SLC4A5: variants seen among roughly 807,000 people sequenced by gnomAD.
SLC4A5 encodes electrogenic sodium bicarbonate cotransporter 4.
SLC4A5 carries 96 observed loss-of-function variants against 120.4 expected under a neutral mutation model. The ratio of observed to expected loss-of-function variants is 0.80; its 90% CI spans 0.68 to 0.94. The LOEUF (loss-of-function observed/expected upper bound fraction) is 0.94. SLC4A5 is among the 40% of genes least tolerant of loss of function. The probability of loss-of-function intolerance (pLI) is 0.00; values close to 1 mark genes in which losing one functional copy is unlikely to be tolerated. For synonymous variants in SLC4A5, 550 were observed against 571.1 expected, an observed-to-expected ratio of 0.96 and a Z score of 0.53; for missense variants, 1,259 against 1,459.5, an observed-to-expected ratio of 0.86 and a Z score of 2.24.
At chr2:74,270,219 T>C (rs1428674494) in intron 8 of SLC4A5, among the ~76,000 whole-genome samples, 2 of 152,222 alleles carry the variant, frequency 1.3e-5, no homozygotes, top group East Asian at 3.8e-4. Flanking sequence ...ACCATTAAGC[T>C]TGCTACCTGG....
intron 19 of SLC4A5, among the ~76,000 whole-genome samples, chr2:74,243,430 A>T (rs1363961887): frequency 2.6e-5 from 4 of 152,202 alleles, no homozygotes; most frequent in African/African-American, 9.7e-5. Flanking sequence ...ATCTTGACCC[A>T]GGGCAGAATA....
chr2:74,269,528 C>T (rs1354358597), intron 8 of SLC4A5, among the ~76,000 whole-genome samples: 1 of 152,130 alleles, frequency 6.6e-6, no homozygotes, highest in Non-Finnish European at 1.5e-5. Flanking sequence ...CCACCGCGCC[C>T]GGCCAGTCCA....
At chr2:74,224,812 C>G in intron 28 of SLC4A5, 28 bp downstream of exon 28, 1 of 1,595,484 alleles carries the variant, frequency 6.3e-7, no homozygotes, top group Non-Finnish European at 8.5e-7. Flanking sequence ...AATTTCTCCT[C>G]TGTGCCCCGG....
intron 7 of SLC4A5, among the ~76,000 whole-genome samples, chr2:74,298,298 A>C (rs1672387842): frequency 6.6e-6 from 1 of 152,244 alleles, no homozygotes; most frequent in African/African-American, 2.4e-5. Context: ...ATCTGACAAG[A>C]GTGGTAAGAA....
chr2:74,323,791 T>C (rs574444611), intron 5 of SLC4A5, among the ~76,000 whole-genome samples: 7 of 152,318 alleles, frequency 4.6e-5, no homozygotes, highest in South Asian at 2.1e-4. Flanking sequence ...ATATTCTACA[T>C]TGGGAGGATA....
At chr2:74,319,714 G>A (rs1479287867) in intron 5 of SLC4A5, among the ~76,000 whole-genome samples, 6 of 151,800 alleles carry the variant, frequency 4.0e-5, no homozygotes, top group African/African-American at 7.3e-5. Flanking sequence ...ATCCTACTGC[G>A]TCTTGACTTC....
intron 5 of SLC4A5, among the ~76,000 whole-genome samples, chr2:74,322,481 C>T (rs1263074401): frequency 6.6e-6 from 1 of 152,142 alleles, no homozygotes; most frequent in Non-Finnish European, 1.5e-5. Context: ...GAATGATACA[C>T]ACCAACTTCA....
chr2:74,219,176 G>GGTGTGT lies in SLC4A5; in HGVS notation c.*34-390_*34-385dup, dbSNP rs58141033. On this transcript the variant is annotated intron_variant, in intron 30 of 30. Transcript: ENST00000394019. Reference sequence around the variant, plus strand: ...ATTGCAGTGTTCTTTGCTCTTTGGAGGTGTGTGTGTGTGTGTGTGTGTGTG... The same window carrying GGTGTGT: ...ATTGCAGTGTTCTTTGCTCTTTGGAGGTGTGTGTGTGTGTGTGTGTGTGTGTGTGTG... 4.7e-3 allele frequency among the ~76,000 whole-genome samples: 626 copies of GGTGTGT among 134,316 alleles called. 4 individuals are homozygous for GGTGTGT. Among genetic ancestry groups the GGTGTGT allele is most frequent in the East Asian group, 0.014 (62 of 4,482 alleles). The allele number at this position is 134,316 out of a possible 152,430, so 88.1% of individuals were successfully genotyped here. A position where few individuals can be genotyped will look rare whatever the true frequency, so the allele number is the denominator to read the frequency against.
Position 74,259,574 on chromosome 2 carries a change from A to G in SLC4A5, c.867+14T>C. On this transcript the variant is annotated intron_variant, in intron 12 of 30. Coordinates refer to ENST00000394019, the Ensembl canonical transcript of SLC4A5. The stretch of plus-strand genomic sequence containing the variant: ...CTGGCCCTCCATTGCAGCTAAGTGC[A>G]GGGGTTTTACTACCTGGTCTGTGTT... 6.2e-7 allele frequency: 1 copy of G among 1,614,070 alleles called. No individual in the cohort carries two copies. Among genetic ancestry groups the G allele is most frequent in the Non-Finnish European group, 8.5e-7 (1 of 1,179,888 alleles).
At chr2:74,278,572 C>T (rs777153094) in intron 8 of SLC4A5, among the ~76,000 whole-genome samples, 7 of 152,148 alleles carry the variant, frequency 4.6e-5, no homozygotes, top group Non-Finnish European at 1.0e-4. Flanking sequence ...GGATGGAACC[C>T]AGGGCCTCTG....
Position 74,254,085 on chromosome 2 carries a change from C to T in SLC4A5, c.1113+534G>A, listed in dbSNP as rs531177709. Among the ~76,000 whole-genome samples the T allele has an allele frequency of 2.6e-5, 4 of 152,308 alleles. No individual in the cohort carries two copies. In the South Asian group the frequency reaches 8.3e-4, roughly 32 times the overall value. On this transcript the variant is annotated intron_variant, in intron 14 of 30. Transcript: ENST00000394019. ...GCCGCAAGCACCGCCAGTGAGTATTCTTGGCACAAACGGAAAAAGAGTTAA... is the reference window on the plus strand; with the variant it reads ...GCCGCAAGCACCGCCAGTGAGTATTTTTGGCACAAACGGAAAAAGAGTTAA...
Position 74,246,915 on chromosome 2 carries a change from G to T in SLC4A5, c.2059+121C>A, listed in dbSNP as rs1670628440. On this transcript the variant is annotated intron_variant, in intron 19 of 30. Transcript: ENST00000394019. ...TCAAGACCCTGTATTTGCTCTCTTG[G>T]AACTGTAAGCCCTTGGCTGAATGGC... The T allele has an allele frequency of 2.3e-6, 3 of 1,304,888 alleles. No homozygotes were observed. The African/African-American group carries it at 4.4e-5, about 19-fold the overall frequency. The allele number at this position is 1,304,888 out of a possible 1,614,324, so 80.8% of individuals were successfully genotyped here.
chr2:74,284,237 C>T (rs1332972350), intron 8 of SLC4A5, among the ~76,000 whole-genome samples: 1 of 69,946 alleles, frequency 1.4e-5, no homozygotes, highest in Non-Finnish European at 2.2e-5. Context: ...ACTGCAGTGG[C>T]GCAATCTCGG....
At chr2:74,257,469 G>A (rs920607186) in intron 12 of SLC4A5, among the ~76,000 whole-genome samples, 2 of 152,150 alleles carry the variant, frequency 1.3e-5, no homozygotes, top group Admixed American at 1.3e-4. Context: ...AGGCAGGGAG[G>A]GGGTCCAGGG....
chr2:74,308,107 A>G, intron 6 of SLC4A5: 1 of 398,486 alleles, frequency 2.5e-6, no homozygotes, highest in South Asian at 2.2e-5. Context: ...AATGTACTGT[A>G]GTTTGTTCAT....
At chr2:74,220,841 CTTTT>C (rs60945273) in intron 30 of SLC4A5, among the ~76,000 whole-genome samples, 5 of 117,468 alleles carry the variant, frequency 4.3e-5, no homozygotes, top group Admixed American at 9.4e-5. Context: ...TATTTCCTTT[CTTTT>C]TTTTTTTTTT....
exon 27 of SLC4A5, chr2:74,226,975 GGCAGCCACC>G (rs1488805924): frequency 1.2e-6 from 2 of 1,613,836 alleles, no homozygotes; most frequent in South Asian, 2.2e-5. Context: ...GGAAGATGAT[GGCAGCCACC>G]GTGGATTTGA....
intron 6 of SLC4A5, chr2:74,308,112 G>T (rs926030680): frequency 1.0e-5 from 4 of 381,690 alleles, no homozygotes; most frequent in African/African-American, 4.3e-5. Context: ...ACTGTAGTTT[G>T]TTCATCCATT....
Position 74,290,208 on chromosome 2 carries a change from G to C in SLC4A5, c.272-4306C>G, listed in dbSNP as rs138340432. 2.5e-4 allele frequency: 244 copies of C among 985,536 alleles called. No individual in the cohort carries two copies. In the African/African-American group the frequency reaches 3.9e-3, roughly 16 times the overall value. The allele number at this position is 985,536 out of a possible 1,614,324, so 61.0% of individuals were successfully genotyped here. ...GTCCTGGAGAGAGGAGACAGGCAGA[G>C]AGCAGGATGCAAACCAGTTCTGCCT... On this transcript the variant is annotated intron_variant, in intron 7 of 30. Transcript: ENST00000394019.
Sources: allele counts gnomAD v4.1 joint callset (sites outside exome capture counted in the v4.1 genomes callset), GRCh38; gene constraint gnomAD v4.1.1; transcripts MANE v1.5; gene names NCBI Gene and HGNC (gene_info 2026-07-23, HGNC 2026-07-21).